MORC1: variants seen among roughly 807,000 people sequenced by gnomAD.
The protein encoded by MORC1 is MORC family CW-type zinc finger 1, also known as MORC family CW-type zinc finger protein 1.
Under a neutral mutation model 134.9 loss-of-function variants are expected in MORC1, and 59 were observed. The ratio of observed to expected loss-of-function variants is 0.44; its 90% CI spans 0.35 to 0.54. The LOEUF (loss-of-function observed/expected upper bound fraction) is 0.54. Ranked by LOEUF, MORC1 falls within the 20% of genes least tolerant of loss-of-function variation. MORC1 has a pLI of 0.00. For synonymous variants in MORC1, 395 were observed against 391.7 expected, an observed-to-expected ratio of 1.01 and a Z score of -0.10; for missense variants, 947 against 1,134.5, an observed-to-expected ratio of 0.83 and a Z score of 2.37.
chr3:109,013,589 T>C (rs1559893062), intron 17 of MORC1, among the ~76,000 whole-genome samples: 1 of 152,176 alleles, frequency 6.6e-6, no homozygotes, highest in Non-Finnish European at 1.5e-5. Flanking sequence ...GTAAGTGTAT[T>C]TGTATGGATT....
intron 13 of MORC1, among the ~76,000 whole-genome samples, chr3:109,057,123 A>G (rs1424368499): frequency 2.0e-5 from 3 of 152,188 alleles, no homozygotes; most frequent in Non-Finnish European, 4.4e-5. Flanking sequence ...AAATGCATTG[A>G]AAAAAATTTC....
At chr3:108,990,837 G>A (rs1315766127) in intron 21 of MORC1, among the ~76,000 whole-genome samples, 2 of 152,022 alleles carry the variant, frequency 1.3e-5, no homozygotes, top group Admixed American at 1.3e-4. Context: ...GGGGTGGTGT[G>A]GGTAGTGGAG....
chr3:109,087,866 T>C (rs1012711104), intron 8 of MORC1, among the ~76,000 whole-genome samples: 5 of 152,006 alleles, frequency 3.3e-5, no homozygotes, highest in Admixed American at 1.3e-4. Context: ...ATGGTACTGG[T>C]ACAAAAACAG....
At chr3:109,031,771 C>G (rs1949246788) in intron 16 of MORC1, among the ~76,000 whole-genome samples, 1 of 152,140 alleles carries the variant, frequency 6.6e-6, no homozygotes, top group South Asian at 2.1e-4. Context: ...AGGTTCCCAG[C>G]CTCTAATTCA....
intron 14 of MORC1, among the ~76,000 whole-genome samples, chr3:109,043,163 T>C (rs1949595766): frequency 9.9e-6 from 1 of 100,820 alleles, no homozygotes; most frequent in Non-Finnish European, 1.8e-5. Context: ...CACAGATGAA[T>C]GGATAAGCAA....
At chr3:109,039,045 T>C (rs886510539) in intron 14 of MORC1, among the ~76,000 whole-genome samples, 2 of 152,136 alleles carry the variant, frequency 1.3e-5, no homozygotes, top group African/African-American at 2.4e-5. Context: ...GCCTCCTGAA[T>C]AGCTGGGATT....
At chr3:109,026,914 GACTTGC>G (rs1949089089) in intron 17 of MORC1, among the ~76,000 whole-genome samples, 1 of 152,200 alleles carries the variant, frequency 6.6e-6, no homozygotes, top group African/African-American at 2.4e-5. Flanking sequence ...GGTGGTATCT[GACTTGC>G]ACTGCAGAAC....
chr3:108,994,021 G>A (rs1948133626), intron 21 of MORC1, among the ~76,000 whole-genome samples: 1 of 152,094 alleles, frequency 6.6e-6, no homozygotes, highest in Non-Finnish European at 1.5e-5. Context: ...GATTCAGAGT[G>A]CACTGATGCT....
intron 9 of MORC1, among the ~76,000 whole-genome samples, chr3:109,063,902 C>A (rs898754788): frequency 2.0e-5 from 3 of 152,050 alleles, no homozygotes; most frequent in African/African-American, 4.8e-5. Flanking sequence ...TAGAAAATTC[C>A]TGGAACCGGG....
chr3:109,033,445 C>G (rs1041899128), intron 15 of MORC1, among the ~76,000 whole-genome samples: 2 of 152,166 alleles, frequency 1.3e-5, no homozygotes, highest in African/African-American at 4.8e-5. Flanking sequence ...CACCCACTTT[C>G]CAAAACAGTC....
chr3:109,078,733 C>G (rs1445388821), intron 8 of MORC1, among the ~76,000 whole-genome samples: 2 of 151,688 alleles, frequency 1.3e-5, no homozygotes, highest in Admixed American at 6.6e-5. Context: ...AAATCCAAAA[C>G]TGTTTTATTT....
intron 2 of MORC1, among the ~76,000 whole-genome samples, chr3:109,113,167 A>G (rs1951203749): frequency 6.6e-6 from 1 of 152,240 alleles, no homozygotes; most frequent in Non-Finnish European, 1.5e-5. Flanking sequence ...CCAAGCTTTG[A>G]GCAGCAGCAA....
At chr3:109,094,740 T>G (rs1201354139) in intron 7 of MORC1, among the ~76,000 whole-genome samples, 169 bp downstream of exon 7, 2 of 152,140 alleles carry the variant, frequency 1.3e-5, no homozygotes, top group African/African-American at 4.8e-5. Flanking sequence ...AGTAATTTGT[T>G]TGGATGCTCT....
At chr3:109,081,569 C>T (rs1950520447) in intron 8 of MORC1, among the ~76,000 whole-genome samples, 1 of 151,572 alleles carries the variant, frequency 6.6e-6, no homozygotes, top group African/African-American at 2.4e-5. Flanking sequence ...GATTCTCCCA[C>T]CTCAGCCTCT....
Position 108,959,140 on chromosome 3 carries a change from G to C in MORC1, c.2800-20C>G, listed in dbSNP as rs2107336262. 6.4e-7 allele frequency: 1 copy of C among 1,567,122 alleles called. No homozygotes were observed. Among genetic ancestry groups the C allele is most frequent in the Non-Finnish European group, 8.6e-7 (1 of 1,160,274 alleles). ...ACCACCCTGGAAAAGAGAAGCAACA[G>C]TCACACCAGGGAAAGAAGCTGCAGA... On this transcript the variant is annotated intron_variant, in intron 27 of 27. Coordinates refer to ENST00000232603, the MANE Select transcript of MORC1 (RefSeq NM_014429.4).
chr3:108,989,734 A>AC (rs1318836866), intron 21 of MORC1, among the ~76,000 whole-genome samples: 1 of 151,926 alleles, frequency 6.6e-6, no homozygotes, highest in African/African-American at 2.4e-5. Context: ...AACTTCAAAG[A>AC]CCCCTTCTGT....
At chr3:108,986,807 T>C in intron 22 of MORC1, 73 bp downstream of exon 22, 1 of 1,032,850 alleles carries the variant, frequency 9.7e-7, no homozygotes, top group Non-Finnish European at 1.4e-6. Context: ...TATATCAGGC[T>C]GTCAAGCCAT....
At chr3:108,970,023 AGG>A (rs1947333574) in intron 25 of MORC1, among the ~76,000 whole-genome samples, 1 of 152,238 alleles carries the variant, frequency 6.6e-6, no homozygotes, top group Non-Finnish European at 1.5e-5. Context: ...AAATATTCAA[AGG>A]GAGATGTCGA....
chr3:109,100,737 T>G (rs1950910195), intron 4 of MORC1, among the ~76,000 whole-genome samples: 1 of 152,184 alleles, frequency 6.6e-6, no homozygotes, highest in African/African-American at 2.4e-5. Flanking sequence ...TCAACTAATC[T>G]TGGACTGAAA....
Sources: allele counts gnomAD v4.1 joint callset (sites outside exome capture counted in the v4.1 genomes callset), GRCh38; gene constraint gnomAD v4.1.1; transcripts MANE v1.5; gene names NCBI Gene and HGNC (gene_info 2026-07-23, HGNC 2026-07-21).